COG5: variants seen among roughly 807,000 people sequenced by gnomAD.
COG5 encodes the protein component of oligomeric golgi complex 5, also known as conserved oligomeric Golgi complex subunit 5.
In COG5, 86 loss-of-function variants were observed where a neutral mutation model predicts 110.4. The ratio of observed to expected loss-of-function variants is 0.78; its 90% CI spans 0.65 to 0.93. The LOEUF is 0.93. Ranked by LOEUF, COG5 falls within the 40% of genes least tolerant of loss-of-function variation. The probability of loss-of-function intolerance (pLI) is 0.00; values close to 1 mark genes in which losing one functional copy is unlikely to be tolerated. For missense variants in COG5, 1,077 were observed against 987.0 expected (o/e 1.09, Z -1.22); for synonymous variants, 360 against 334.6 (o/e 1.08, Z -0.83).
At chr7:107,249,297 T>A (rs1379167632) in intron 16 of COG5, among the ~76,000 whole-genome samples, 1 of 152,042 alleles carries the variant, frequency 6.6e-6, no homozygotes, top group Non-Finnish European at 1.5e-5. Flanking sequence ...GTTACTAGCA[T>A]CTAGTAGGTA....
At chr7:107,512,159 C>G (rs989891144) in intron 6 of COG5, among the ~76,000 whole-genome samples, 6 of 152,176 alleles carry the variant, frequency 3.9e-5, no homozygotes, top group African/African-American at 1.2e-4. Context: ...ACTGTCTCAG[C>G]CCAAAATCAC....
intron 1 of COG5, among the ~76,000 whole-genome samples, chr7:107,561,030 A>T (rs571025591): frequency 6.6e-6 from 1 of 152,176 alleles, no homozygotes; most frequent in Non-Finnish European, 1.5e-5. Context: ...AAGAGTGCTC[A>T]GGGAGAAAGA....
chr7:107,405,530 G>C (rs1230637403), intron 7 of COG5, among the ~76,000 whole-genome samples: 1 of 152,172 alleles, frequency 6.6e-6, no homozygotes, highest in African/African-American at 2.4e-5. Context: ...GAGAAAGCCA[G>C]GTCTGAGGAA....
At chr7:107,495,821 G>A (rs1798237158) in intron 6 of COG5, among the ~76,000 whole-genome samples, 1 of 151,988 alleles carries the variant, frequency 6.6e-6, no homozygotes, top group African/African-American at 2.4e-5. Flanking sequence ...AGACACAAAA[G>A]TATTTGATTA....
rs1018432720 is a variant in COG5 at position 107,514,024 on chromosome 7, T to A, written c.538+13213A>T. 2.6e-5 allele frequency among the ~76,000 whole-genome samples: 4 copies of A among 151,904 alleles called. No homozygotes were observed. The East Asian group carries it at 7.8e-4, about 29-fold the overall frequency. ...GTAACAAACCTGCACATTGTGCACA[T>A]GTACCCTAAAACTTAAAGTATAATA... On this transcript the variant is annotated intron_variant, in intron 6 of 21. Transcript: ENST00000297135.
At chr7:107,506,722 A>C (rs1799038918) in intron 6 of COG5, among the ~76,000 whole-genome samples, 1 of 152,122 alleles carries the variant, frequency 6.6e-6, no homozygotes, top group African/African-American at 2.4e-5. Flanking sequence ...CCCTGCGGGA[A>C]AACAGGAACC....
At chr7:107,325,351 T>C (rs1342819678) in intron 10 of COG5, among the ~76,000 whole-genome samples, 2 of 152,182 alleles carry the variant, frequency 1.3e-5, no homozygotes, top group African/African-American at 4.8e-5. Context: ...CTTCATATGG[T>C]TCAAAGTAAT....
chr7:107,550,221 C>T (rs1441970007), intron 3 of COG5, among the ~76,000 whole-genome samples: 1 of 152,138 alleles, frequency 6.6e-6, no homozygotes, highest in African/African-American at 2.4e-5. Context: ...ATCAACAAAC[C>T]CTATCAGCTT....
chr7:107,205,954 GTTT>G (rs11310380), intron 21 of COG5, among the ~76,000 whole-genome samples: 2 of 143,378 alleles, frequency 1.4e-5, no homozygotes, highest in African/African-American at 2.6e-5. Flanking sequence ...AAGTGTAGCT[GTTT>G]TTTTTTTTTT....
At position 107,351,273 on chromosome 7, in the gene COG5, T is replaced by G. The variant is rs367673489; in HGVS notation, c.1026+10760A>C. Among the ~76,000 whole-genome samples, 37 of 152,324 alleles carry G rather than the reference T, an allele frequency of 2.4e-4. No individual in the cohort carries two copies. The South Asian group carries it at 6.2e-3, about 26-fold the overall frequency. On this transcript the variant is annotated intron_variant, in intron 10 of 21. Transcript: ENST00000297135. Reference sequence around the variant, plus strand: ...CTAGCCATATGTAGAAAGATGAAACTGGATCCCTTCCTTACACCTTATACA... The same window carrying G: ...CTAGCCATATGTAGAAAGATGAAACGGGATCCCTTCCTTACACCTTATACA...
chr7:107,551,519 A>G (rs547735260), intron 3 of COG5, among the ~76,000 whole-genome samples: 1 of 152,244 alleles, frequency 6.6e-6, no homozygotes, highest in Non-Finnish European at 1.5e-5. Flanking sequence ...AATTTTTCTA[A>G]TATGTATACA....
At chr7:107,410,869 T>C (rs2129066047) in intron 7 of COG5, among the ~76,000 whole-genome samples, 1 of 150,848 alleles carries the variant, frequency 6.6e-6, no homozygotes, top group South Asian at 2.1e-4. Context: ...CAAATGATAC[T>C]AATGACAATA....
At chr7:107,469,277 T>C (rs567295038) in intron 6 of COG5, among the ~76,000 whole-genome samples, 135 of 151,984 alleles carry the variant, frequency 8.9e-4, no homozygotes, top group Non-Finnish European at 1.3e-3. Flanking sequence ...AATAAGCCAA[T>C]TGAAATAAAA....
intron 11 of COG5, among the ~76,000 whole-genome samples, chr7:107,312,529 TA>T (rs1170165332): frequency 1.3e-5 from 2 of 152,172 alleles, no homozygotes; most frequent in African/African-American, 4.8e-5. Context: ...ACTTCATTTC[TA>T]CTCTGAGACT....
chr7:107,239,787 G>A (rs1055289480), intron 17 of COG5, among the ~76,000 whole-genome samples: 6 of 152,212 alleles, frequency 3.9e-5, no homozygotes, highest in East Asian at 1.9e-4. Flanking sequence ...GTGAAATTTC[G>A]AAGATTTCTC....
intron 6 of COG5, among the ~76,000 whole-genome samples, chr7:107,507,477 T>C (rs1178177171): frequency 1.3e-5 from 2 of 149,300 alleles, no homozygotes; most frequent in African/African-American, 2.5e-5. Context: ...GTATTTTTTT[T>C]TTTTTTTTTT....
chr7:107,544,337 A>G (rs774208790), intron 5 of COG5, among the ~76,000 whole-genome samples: 12 of 152,152 alleles, frequency 7.9e-5, no homozygotes, highest in Non-Finnish European at 1.3e-4. Context: ...AGGCCGGTCC[A>G]AGTGCCAGGT....
chr7:107,425,517 A>T (rs907178416), intron 6 of COG5, among the ~76,000 whole-genome samples: 1 of 151,954 alleles, frequency 6.6e-6, no homozygotes, highest in Non-Finnish European at 1.5e-5. Context: ...AAAAAAAAAA[A>T]ACACAAGAAA....
At chr7:107,458,544 T>G (rs1584850966) in intron 6 of COG5, among the ~76,000 whole-genome samples, 1 of 152,046 alleles carries the variant, frequency 6.6e-6, no homozygotes, top group Non-Finnish European at 1.5e-5. Context: ...AAACAACCAT[T>G]AAAACAAGAA....
Sources: allele counts gnomAD v4.1 joint callset (sites outside exome capture counted in the v4.1 genomes callset), GRCh38; gene constraint gnomAD v4.1.1; transcripts MANE v1.5; gene names NCBI Gene and HGNC (gene_info 2026-07-23, HGNC 2026-07-21).